HEATR3: variants seen among roughly 807,000 people sequenced by gnomAD.
The protein encoded by HEATR3 is HEAT repeat-containing protein 3.
Under a neutral mutation model 72.8 loss-of-function variants are expected in HEATR3, and 56 were observed. The ratio of observed to expected loss-of-function variants is 0.77; its 90% CI spans 0.62 to 0.96. The LOEUF (loss-of-function observed/expected upper bound fraction) is 0.96, where lower values mean the gene tolerates loss of function less well. HEATR3 is among the 40% of genes least tolerant of loss of function. The pLI is 0.00. For synonymous variants in HEATR3, 331 were observed against 318.1 expected, an observed-to-expected ratio of 1.04 and a Z score of -0.43; for missense variants, 747 against 831.4, an observed-to-expected ratio of 0.90 and a Z score of 1.25.
At chr16:50,101,220 A>G (rs1036714248) in intron 13 of HEATR3, among the ~76,000 whole-genome samples, 1 of 151,368 alleles carries the variant, frequency 6.6e-6, no homozygotes, top group African/African-American at 2.4e-5. Flanking sequence ...GGTTCAAGCA[A>G]TTCTTCTGCC....
chr16:50,078,034 G>T (rs557339392), intron 6 of HEATR3, among the ~76,000 whole-genome samples: 1 of 151,656 alleles, frequency 6.6e-6, no homozygotes, highest in South Asian at 2.1e-4. Flanking sequence ...CCACCACCAC[G>T]CCTGGCTGAT....
chr16:50,089,568 T>A (rs1245385108), intron 11 of HEATR3, among the ~76,000 whole-genome samples: 1 of 152,220 alleles, frequency 6.6e-6, no homozygotes, highest in Non-Finnish European at 1.5e-5. Context: ...CAAAATGACT[T>A]GAAAAGTAGT....
intron 11 of HEATR3, among the ~76,000 whole-genome samples, chr16:50,092,436 C>CTTTTTTAT (rs55971965): frequency 9.4e-6 from 1 of 106,030 alleles, no homozygotes; most frequent in Non-Finnish European, 1.8e-5. Flanking sequence ...TTTCTTTTTT[C>CTTTTTTAT]TTTTTTTTTT....
At chr16:50,080,421 A>G (rs188079299) in intron 7 of HEATR3, among the ~76,000 whole-genome samples, 101 of 146,780 alleles carry the variant, frequency 6.9e-4, no homozygotes, top group African/African-American at 2.5e-3. Context: ...GCTCACTGCA[A>G]CCTCCTCCTC....
At position 50,083,984 on chromosome 16, in the gene HEATR3, A is replaced by G. The variant is rs762400242; in HGVS notation, c.1089A>G (p.Gln363=). 2.2e-5 allele frequency: 35 copies of G among 1,613,504 alleles called. No individual in the cohort carries two copies. Among genetic ancestry groups the G allele is most frequent in the East Asian group, 8.9e-5 (4 of 44,874 alleles). ...AGACTATAGCATTGCTGACAGCCCA[A>G]CAGACTGCTCTGGAAATTATTGTCA... ...LRETIALLTA[Q]QTALEIIVNM... is the part of the protein sequence containing the mutation. The change falls in exon 8 of 15, where the codon CAA becomes CAG. Residue 363 remains glutamine (Q), a synonymous_variant. Transcript: ENST00000299192.
intron 13 of HEATR3, 42 bp downstream of exon 13, chr16:50,100,415 A>G (rs1268457475): frequency 6.3e-7 from 1 of 1,582,366 alleles, no homozygotes; most frequent in Non-Finnish European, 8.7e-7. Context: ...AAATAATTAG[A>G]AATGGGAGAA....
chr16:50,086,108 T>G (rs1416879178), intron 10 of HEATR3, 107 bp from the exon 11 acceptor site: 1 of 1,029,796 alleles, frequency 9.7e-7, no homozygotes, highest in Non-Finnish European at 1.4e-6. Flanking sequence ...TACCTTGTAT[T>G]TACAGATATT....
intron 7 of HEATR3, among the ~76,000 whole-genome samples, chr16:50,080,586 G>A (rs890192881): frequency 1.3e-5 from 2 of 152,006 alleles, no homozygotes; most frequent in Non-Finnish European, 2.9e-5. Flanking sequence ...GTGTCTGCCC[G>A]CCTTGGCCTC....
intron 9 of HEATR3, 121 bp from the exon 10 acceptor site, chr16:50,084,448 A>G: frequency 8.8e-7 from 1 of 1,141,748 alleles, no homozygotes; most frequent in Non-Finnish European, 1.3e-6. Flanking sequence ...AAATAGGCGA[A>G]AAGGTCATTC....
intron 11 of HEATR3, among the ~76,000 whole-genome samples, chr16:50,090,571 A>G (rs1358688036): frequency 2.0e-5 from 3 of 152,208 alleles, no homozygotes; most frequent in African/African-American, 7.2e-5. Flanking sequence ...TAAAAGGAGC[A>G]CATTTTAGTA....
chr16:50,090,121 G>C (rs2037076115), intron 11 of HEATR3, among the ~76,000 whole-genome samples: 1 of 152,058 alleles, frequency 6.6e-6, no homozygotes, highest in African/African-American at 2.4e-5. Flanking sequence ...TTTGGGAGCT[G>C]AATTGGGAGG....
At chr16:50,083,847 T>C (rs750938594) in intron 7 of HEATR3, 90 bp from the exon 8 acceptor site, 31 of 1,197,924 alleles carry the variant, frequency 2.6e-5, no homozygotes, top group Non-Finnish European at 3.2e-5. Flanking sequence ...AGCGCAAAAA[T>C]CTTCTAGTAG....
In HEATR3 at chr16:50,066,282, C is replaced by T. The variant is rs374039068; in HGVS notation, c.138+13C>T. On this transcript the variant is annotated intron_variant, in intron 1 of 14. Coordinates refer to ENST00000299192, the MANE Select transcript of HEATR3 (RefSeq NM_182922.4). ...GCTGCTGGAAAAGGTGAGGCGAGGGCTCCGTCGGGCCGGGAGGCGAGACGA... is the reference window on the plus strand; with the variant it reads ...GCTGCTGGAAAAGGTGAGGCGAGGGTTCCGTCGGGCCGGGAGGCGAGACGA... 74 of 1,575,868 alleles carry T rather than the reference C, an allele frequency of 4.7e-5. No homozygotes were observed. Among genetic ancestry groups the T allele is most frequent in the Non-Finnish European group, 6.0e-5 (70 of 1,165,452 alleles).
chr16:50,076,204 T>G (rs1355562281), intron 6 of HEATR3, among the ~76,000 whole-genome samples: 1 of 152,158 alleles, frequency 6.6e-6, no homozygotes, highest in Non-Finnish European at 1.5e-5. Flanking sequence ...TTTTTTTATT[T>G]TTTATTGTTT....
chr16:50,081,159 G>A (rs958858117), intron 7 of HEATR3, among the ~76,000 whole-genome samples: 10 of 152,324 alleles, frequency 6.6e-5, no homozygotes, highest in African/African-American at 2.4e-4. Context: ...AAGTCTTCTG[G>A]CCAGGTGTGG....
intron 13 of HEATR3, 50 bp downstream of exon 13, chr16:50,100,423 G>A (rs555012870): frequency 5.1e-6 from 8 of 1,562,766 alleles, no homozygotes; most frequent in Non-Finnish European, 7.0e-6. Context: ...AGAAATGGGA[G>A]AAGAACTGTT....
intron 12 of HEATR3, among the ~76,000 whole-genome samples, chr16:50,096,459 T>A (rs1029938362): frequency 1.3e-4 from 20 of 152,084 alleles, no homozygotes; most frequent in Non-Finnish European, 2.1e-4. Context: ...CTAAAAAAAA[T>A]TTTACTGAGA....
Position 50,066,398 on chromosome 16 carries a change from G to T in HEATR3, c.170G>T (p.Cys57Phe), listed in dbSNP as rs1405794587. 1.4e-5 allele frequency: 21 copies of T among 1,548,956 alleles called. No individual in the cohort carries two copies. Among genetic ancestry groups the T allele is most frequent in the Non-Finnish European group, 1.8e-5 (21 of 1,158,946 alleles). The change falls in exon 2 of 15, where the codon TGC becomes TTC. Residue 57 changes from cysteine to phenylalanine, a missense_variant. Physicochemically the swap from Cys to Phe is radical, Grantham distance 205. Transcript: ENST00000299192. ...CACCCGAGCGCCGAGGTCCGCGAGT[G>T]CGCCTGCGCAGGGCTGGCCCGGCTG... is the stretch of plus-strand genomic sequence containing the variant. ...LQHPSAEVRE[C>F]ACAGLARLVQ...
At chr16:50,100,490 G>A in intron 13 of HEATR3, 117 bp downstream of exon 13, 2 of 951,560 alleles carry the variant, frequency 2.1e-6, no homozygotes, top group South Asian at 2.9e-5. Flanking sequence ...ATATCAAGTT[G>A]CTTTATTGAG....
Sources: gnomAD v4.1 joint callset for allele counts (sites outside exome capture counted in the v4.1 genomes callset) on GRCh38, gnomAD v4.1.1 for gene constraint, MANE v1.5 for transcripts, NCBI Gene and HGNC (gene_info 2026-07-23, HGNC 2026-07-21) for gene names.